The following MARCHF1 variants were observed in gnomAD, a reference collection of about 807,000 sequenced individuals.
MARCHF1 encodes the protein membrane associated ring-CH-type finger 1, also known as E3 ubiquitin-protein ligase MARCHF1.
MARCHF1 carries 40 observed loss-of-function variants against 54.2 expected under a neutral mutation model. The ratio of observed to expected loss-of-function variants is 0.74; its 90% CI spans 0.57 to 0.96. The LOEUF is 0.96. MARCHF1 is among the 40% of genes least tolerant of loss of function. MARCHF1 has a pLI of 0.00. For synonymous variants in MARCHF1, 236 were observed against 236.3 expected, an observed-to-expected ratio of 1.00 and a Z score of 0.01; for missense variants, 586 against 656.5, an observed-to-expected ratio of 0.89 and a Z score of 1.17.
intron 2 of MARCHF1, among the ~76,000 whole-genome samples, chr4:164,039,256 A>G (rs1754074326): frequency 6.6e-6 from 1 of 152,208 alleles, no homozygotes; most frequent in Non-Finnish European, 1.5e-5. Flanking sequence ...AAAAACAATA[A>G]TAGGAACCAC....
At chr4:164,370,103 A>G (rs1449053965) in intron 1 of MARCHF1, among the ~76,000 whole-genome samples, 1 of 152,230 alleles carries the variant, frequency 6.6e-6, no homozygotes, top group East Asian at 1.9e-4. Context: ...TAACAAATAT[A>G]TGGACAGGAA....
At chr4:164,248,430 G>A (rs1451311057) in intron 1 of MARCHF1, among the ~76,000 whole-genome samples, 3 of 152,048 alleles carry the variant, frequency 2.0e-5, no homozygotes, top group African/African-American at 7.2e-5. Context: ...GATGGTGACA[G>A]TGATTCTTGG....
chr4:163,557,082 G>C lies in MARCHF1; in HGVS notation c.1192-11339C>G, dbSNP rs115023952. ...CCCTTGAATTGATTTAATAGCGATAGCAGGGAAGGGTTGGAGGTATACATA... is the reference window on the plus strand; with the variant it reads ...CCCTTGAATTGATTTAATAGCGATACCAGGGAAGGGTTGGAGGTATACATA... On this transcript the variant is annotated intron_variant, in intron 8 of 9. Coordinates refer to ENST00000514618, the MANE Select transcript of MARCHF1 (RefSeq NM_001394959.1). Among the ~76,000 whole-genome samples the C allele has an allele frequency of 8.8e-3, 1,344 of 152,276 alleles. 14 individuals are homozygous for C. The highest frequency in any genetic ancestry group is 0.015 in the Non-Finnish European group (1,001 of 68,022).
At chr4:163,732,051 G>C (rs1465858602) in intron 4 of MARCHF1, among the ~76,000 whole-genome samples, 2 of 152,078 alleles carry the variant, frequency 1.3e-5, no homozygotes, top group African/African-American at 4.8e-5. Flanking sequence ...TACTAGGTAT[G>C]CAAAGAAGTA....
rs138282878 is a variant in MARCHF1, at chr4:163,842,305, G to T, written c.111+11716C>A. 3.2e-3 allele frequency among the ~76,000 whole-genome samples: 479 copies of T among 151,768 alleles called. 3 individuals are homozygous for T. Among genetic ancestry groups the T allele is most frequent in the African/African-American group, 0.011 (455 of 41,416 alleles). On this transcript the variant is annotated intron_variant, in intron 4 of 9. Coordinates refer to ENST00000514618, the MANE Select transcript of MARCHF1 (RefSeq NM_001394959.1). ...TTCTAGATTCCCATCTGTGAAATGG[G>T]GAATACAGTATCTACATTAGAGGCC...
intron 1 of MARCHF1, among the ~76,000 whole-genome samples, chr4:164,277,423 T>C (rs1733915955): frequency 1.3e-5 from 2 of 152,250 alleles, no homozygotes; most frequent in Admixed American, 1.3e-4. Flanking sequence ...TGCAGACACT[T>C]TCTACTTCTC....
chr4:164,021,594 A>C (rs1579467110), intron 2 of MARCHF1, among the ~76,000 whole-genome samples: 1 of 5,922 alleles, frequency 1.7e-4, no homozygotes, highest in East Asian at 0.062. Context: ...ATTTTCTCCT[A>C]AGTCCTTCTT....
chr4:164,152,930 A>G (rs781754144), intron 1 of MARCHF1, among the ~76,000 whole-genome samples: 23 of 151,664 alleles, frequency 1.5e-4, no homozygotes, highest in Non-Finnish European at 2.4e-4. Flanking sequence ...AAACCAAACC[A>G]ATGGATTTCT....
chr4:163,926,234 T>C (rs1751534831), intron 3 of MARCHF1, among the ~76,000 whole-genome samples: 1 of 151,746 alleles, frequency 6.6e-6, no homozygotes, highest in Non-Finnish European at 1.5e-5. Context: ...TTGAACTTCA[T>C]ATAAATGAAA....
At chr4:163,719,413 C>G (rs9685693) in intron 4 of MARCHF1, among the ~76,000 whole-genome samples, 3,733 of 152,232 alleles carry the variant, frequency 0.025, 153 homozygotes, top group African/African-American at 0.084. Context: ...GCCACATTTT[C>G]TTAATCCAGT....
chr4:163,770,155 A>G (rs1747112617), intron 4 of MARCHF1, among the ~76,000 whole-genome samples: 2 of 152,164 alleles, frequency 1.3e-5, no homozygotes, highest in South Asian at 4.1e-4. Flanking sequence ...TGTTGTCAGT[A>G]AGGGTTATGG....
At chr4:164,202,519 A>G (rs1731482598) in intron 1 of MARCHF1, among the ~76,000 whole-genome samples, 1 of 152,206 alleles carries the variant, frequency 6.6e-6, no homozygotes, top group Non-Finnish European at 1.5e-5. Flanking sequence ...GTAAAAAGTT[A>G]ATTTTCAAAA....
intron 1 of MARCHF1, among the ~76,000 whole-genome samples, chr4:164,242,936 TA>T (rs1732819893): frequency 7.2e-6 from 1 of 138,932 alleles, no homozygotes; most frequent in Admixed American, 7.6e-5. Flanking sequence ...GAAAAAAGAA[TA>T]AAAAGAAATG....
At chr4:163,719,189 C>T (rs1745360776) in intron 4 of MARCHF1, among the ~76,000 whole-genome samples, 1 of 150,472 alleles carries the variant, frequency 6.6e-6, no homozygotes, top group African/African-American at 2.5e-5. Flanking sequence ...CCTCCCCCAA[C>T]CCCATGACAG....
At chr4:163,695,741 C>T (rs1193272936) in intron 5 of MARCHF1, among the ~76,000 whole-genome samples, 1 of 152,120 alleles carries the variant, frequency 6.6e-6, no homozygotes, top group Non-Finnish European at 1.5e-5. Flanking sequence ...GCCGTTCTTT[C>T]CTTTTGACAG....
chr4:163,771,792 C>G (rs918082585), intron 4 of MARCHF1, among the ~76,000 whole-genome samples: 1 of 152,146 alleles, frequency 6.6e-6, no homozygotes, highest in Non-Finnish European at 1.5e-5. Flanking sequence ...AATCAGCACC[C>G]AGGTTACTAT....
intron 3 of MARCHF1, among the ~76,000 whole-genome samples, chr4:163,891,716 A>T (rs1750665033): frequency 1.3e-5 from 2 of 152,158 alleles, no homozygotes; most frequent in Non-Finnish European, 2.9e-5. Flanking sequence ...TCCTTTTATC[A>T]TCTAAGGCTA....
At chr4:163,653,031 G>A (rs967636765) in intron 5 of MARCHF1, among the ~76,000 whole-genome samples, 1 of 151,208 alleles carries the variant, frequency 6.6e-6, no homozygotes, top group Non-Finnish European at 1.5e-5. Flanking sequence ...AATGCATCAG[G>A]TAGTGCTACG....
At chr4:164,357,464 A>C (rs1408085962) in intron 1 of MARCHF1, among the ~76,000 whole-genome samples, 1 of 152,078 alleles carries the variant, frequency 6.6e-6, no homozygotes, top group Non-Finnish European at 1.5e-5. Flanking sequence ...TCCCCATCTC[A>C]AGATCCTTAA....
Sources: gnomAD v4.1 joint callset for allele counts (sites outside exome capture counted in the v4.1 genomes callset) on GRCh38, gnomAD v4.1.1 for gene constraint, MANE v1.5 for transcripts, NCBI Gene and HGNC (gene_info 2026-07-23, HGNC 2026-07-21) for gene names.